Variants in CEP131 observed in about 807,000 individuals in gnomAD.
CEP131 encodes centrosomal protein 131.
CEP131 carries 99 observed loss-of-function variants against 136.8 expected under a neutral mutation model. The ratio of observed to expected loss-of-function variants is 0.72; its 90% CI spans 0.62 to 0.86. CEP131 has a LOEUF of 0.86. Ranked by LOEUF, CEP131 falls within the 40% of genes least tolerant of loss-of-function variation. The pLI, the probability that CEP131 is intolerant of heterozygous loss-of-function variation, is 0.00. For missense variants in CEP131, 1,459 were observed against 1,463.0 expected (o/e 1.00, Z 0.04); for synonymous variants, 646 against 612.7 (o/e 1.05, Z -0.80).
intron 2 of CEP131, among the ~76,000 whole-genome samples, chr17:81,214,764 T>C (rs1345428604): frequency 6.6e-6 from 1 of 151,754 alleles, no homozygotes; most frequent in African/African-American, 2.4e-5. Context: ...AACTTGGCAA[T>C]GCCTATCAAA....
chr17:81,216,181 G>A (rs1252474030), intron 2 of CEP131, among the ~76,000 whole-genome samples: 3 of 152,032 alleles, frequency 2.0e-5, no homozygotes, highest in Admixed American at 6.6e-5. Context: ...CCAACATGGC[G>A]AAACCCCGTC....
intron 17 of CEP131, among the ~76,000 whole-genome samples, chr17:81,194,654 G>A (rs991961211): frequency 6.6e-6 from 1 of 152,262 alleles, no homozygotes; most frequent in Non-Finnish European, 1.5e-5. Flanking sequence ...GATGCTGGGG[G>A]CTGGGCCAGG....
rs1207864480 is a variant in CEP131, at chr17:81,198,242, C to T, written c.1343G>A (p.Arg448Lys). Residue 448 changes from arginine (R) to lysine (K), a missense_variant, in exon 12 of 26, where the codon AGG becomes AAG. By Grantham distance (26) the Arg-to-Lys change is conservative. Around this residue, in one of 3 missense-constraint regions of CEP131, gnomAD observed 1,026 missense variants for 964.2 expected, o/e 1.06. Transcript: ENST00000450824. ...TGGCCCCCTGGACTTGGCGCTCCCC[C>T]TGCTCGGGGCCATCATCTCCAGGTT... ...GDNLEMMAPS[R>K]GSAKSRGPLE... The T allele has an allele frequency of 3.1e-6, 5 of 1,603,402 alleles. No individual in the cohort carries two copies. The highest frequency in any genetic ancestry group is 4.3e-6 in the Non-Finnish European group (5 of 1,175,190).
At chr17:81,202,570 G>A (rs1040270412) in intron 6 of CEP131, among the ~76,000 whole-genome samples, 172 bp from the exon 7 acceptor site, 1 of 152,212 alleles carries the variant, frequency 6.6e-6, no homozygotes, top group Non-Finnish European at 1.5e-5. Flanking sequence ...GCTCTCCCGT[G>A]CCACATCCTG....
intron 10 of CEP131, 70 bp downstream of exon 10, chr17:81,199,311 A>C: frequency 6.8e-7 from 1 of 1,473,844 alleles, no homozygotes; most frequent in Non-Finnish European, 9.0e-7. Flanking sequence ...GAGGAGGTCC[A>C]CAAGGGCTGC....
intron 24 of CEP131, 148 bp from the exon 25 acceptor site, chr17:81,190,123 G>A (rs2061606246): frequency 1.4e-6 from 1 of 711,060 alleles, no homozygotes; most frequent in Non-Finnish European, 2.3e-6. Flanking sequence ...CCAGACAGCT[G>A]TCCAGGCAAC....
intron 2 of CEP131, among the ~76,000 whole-genome samples, chr17:81,213,551 A>G (rs932915002): frequency 2.9e-5 from 4 of 137,908 alleles, no homozygotes; most frequent in Admixed American, 2.1e-4. Flanking sequence ...AGCGTGAGAC[A>G]CTGTCTCAAA....
Position 81,191,225 on chromosome 17 carries a change from G to A in CEP131, c.2733C>T (p.Ala911=), listed in dbSNP as rs1435290087. The A allele has an allele frequency of 1.9e-6, 3 of 1,613,024 alleles. No individual in the cohort carries two copies. Among genetic ancestry groups the A allele is most frequent in the Non-Finnish European group, 2.5e-6 (3 of 1,179,962 alleles). The part of the protein sequence containing the change: ...IHRLEADMAL[A]KEESEKAAES... The stretch of plus-strand genomic sequence containing the variant: ...CGGCAGCCTTCTCACTCTCCTCCTT[G>A]GCCAGCGCCATGTCGGCCTCCAGCC... Residue 911 remains alanine, a synonymous_variant, in exon 22 of 26, where the codon GCC becomes GCT. Transcript: ENST00000450824.
Position 81,195,360 on chromosome 17 carries a change from C to T in CEP131, c.2017-388G>A, listed in dbSNP as rs576784346. ...GATTTTAAAATGCCAGTGCCAAGCCCCACTCCAGAACCTGGGCTCGGGACC... is the reference window on the plus strand; with the variant it reads ...GATTTTAAAATGCCAGTGCCAAGCCTCACTCCAGAACCTGGGCTCGGGACC... On this transcript the variant is annotated intron_variant, in intron 16 of 25. Coordinates refer to ENST00000450824, the MANE Select transcript of CEP131 (RefSeq NM_014984.4). Among the ~76,000 whole-genome samples, 6 of 152,382 alleles carry T rather than the reference C, an allele frequency of 3.9e-5. No individual in the cohort carries two copies. In the East Asian group the frequency reaches 1.2e-3, roughly 29 times the overall value.
In CEP131 at chr17:81,189,670, T is replaced by C; in HGVS notation, c.*99A>G. 1.6e-6 allele frequency: 2 copies of C among 1,276,498 alleles called. No homozygotes were observed. Among genetic ancestry groups the C allele is most frequent in the Non-Finnish European group, 2.1e-6 (2 of 930,544 alleles). The allele number at this position is 1,276,498 out of a possible 1,614,324, so 79.1% of individuals were successfully genotyped here. On this transcript the variant is annotated 3_prime_UTR_variant, in exon 26 of 26. Transcript: ENST00000450824. ...GCCGTGGGCATCTCAACCACCAGCCTCTGTGGGGGGCAGGTGGGCGTCCCT... is the reference window on the plus strand; with the variant it reads ...GCCGTGGGCATCTCAACCACCAGCCCCTGTGGGGGGCAGGTGGGCGTCCCT...
At position 81,207,205 on chromosome 17, in the gene CEP131, C is replaced by T. The variant is rs764310181; in HGVS notation, c.307G>A (p.Glu103Lys). 11 of 1,613,574 alleles carry T rather than the reference C, an allele frequency of 6.8e-6. No individual in the cohort carries two copies. Among genetic ancestry groups the T allele is most frequent in the Admixed American group, 1.7e-5 (1 of 59,940 alleles). ...CTCTTTTTCCCACTGGGGCTGCCCT[C>T]GAAGAGCATCAGGAAGTCTGTGGGC... ...TEPTDFLMLFEGSPSGKKRPA... is the reference protein window; with the variant it reads ...TEPTDFLMLFKGSPSGKKRPA... Residue 103 changes from glutamate to lysine, a missense_variant, in exon 4 of 26, where the codon GAG (glutamate) becomes AAG (lysine). By Grantham distance (56) the Glu-to-Lys change is moderately conservative. This residue lies in a region of CEP131 where 187 missense variants were observed against 179.9 expected (regional missense o/e 1.04). Coordinates refer to ENST00000450824, the MANE Select transcript of CEP131 (RefSeq NM_014984.4).
Position 81,191,246 on chromosome 17 carries a change from C to T in CEP131, c.2712G>A (p.Leu904=). The T allele has an allele frequency of 1.2e-6, 2 of 1,613,446 alleles. No individual in the cohort carries two copies. Among genetic ancestry groups the T allele is most frequent in the Non-Finnish European group, 1.7e-6 (2 of 1,179,976 alleles). ...CCTTGGCCAGCGCCATGTCGGCCTC[C>T]AGCCGGTGAATGACCAGCTCAATCT... ...DKEIELVIHR[L]EADMALAKEE... is the part of the protein sequence containing the mutation. The change falls in exon 22 of 26, where the codon CTG becomes CTA. Residue 904 remains leucine (L), a synonymous_variant. Transcript: ENST00000450824.
Position 81,197,783 on chromosome 17 carries a change from G to C in CEP131, c.1576C>G (p.Leu526Val). The C allele has an allele frequency of 1.2e-6, 2 of 1,613,248 alleles. No homozygotes were observed. The highest frequency in any genetic ancestry group is 1.7e-6 in the Non-Finnish European group (2 of 1,179,942). Residue 526 changes from leucine (L) to valine (V), a missense_variant, in exon 13 of 26, where the codon CTA (leucine) becomes GTA (valine). By Grantham distance (32) the Leu-to-Val change is conservative. Transcript: ENST00000450824. The stretch of plus-strand genomic sequence containing the variant: ...TCCAAGAAGCTCATGATGCTTTGTA[G>C]CTTGGCCTCCGATAGCAGCGTCCCA... ...EDGTLLSEAK[L>V]QSIMSFLDEM...
chr17:81,190,046 G>C, intron 24 of CEP131, 71 bp from the exon 25 acceptor site: 7 of 1,375,352 alleles, frequency 5.1e-6, no homozygotes, highest in Non-Finnish European at 6.9e-6. Flanking sequence ...GCAGTGCACA[G>C]GGTGCACGGG....
chr17:81,193,196 G>A (rs557223930), intron 18 of CEP131, among the ~76,000 whole-genome samples: 25 of 152,336 alleles, frequency 1.6e-4, no homozygotes, highest in African/African-American at 5.8e-4. Flanking sequence ...GGAGGCAGGT[G>A]CCTCGTGGGG....
intron 3 of CEP131, among the ~76,000 whole-genome samples, chr17:81,207,938 TACACC>T (rs2062045680): frequency 1.0e-4 from 1 of 9,744 alleles, no homozygotes; most frequent in South Asian, 4.6e-3. Context: ...CCACACACCA[TACACC>T]ACACACACCC....
chr17:81,222,249 A>T (rs2062404248), intron 1 of CEP131, among the ~76,000 whole-genome samples: 1 of 152,142 alleles, frequency 6.6e-6, no homozygotes, highest in Non-Finnish European at 1.5e-5. Context: ...CAGGACCTGA[A>T]GGGGCGGGGA....
chr17:81,192,150 CA>C (rs2061653976), intron 21 of CEP131, among the ~76,000 whole-genome samples, 167 bp downstream of exon 21: 1 of 152,128 alleles, frequency 6.6e-6, no homozygotes, highest in South Asian at 2.1e-4. Context: ...CTGAAAGCAA[CA>C]CACTCAGCGT....
chr17:81,210,390 TG>T (rs2062105984), intron 2 of CEP131, among the ~76,000 whole-genome samples: 1 of 152,040 alleles, frequency 6.6e-6, no homozygotes, highest in African/African-American at 2.4e-5. Context: ...GCCAACATGG[TG>T]AAACCCCGTC....
Sources: allele counts gnomAD v4.1 joint callset (sites outside exome capture counted in the v4.1 genomes callset), GRCh38; gene constraint gnomAD v4.1.1; regional missense constraint gnomAD v4.1.1; transcripts MANE v1.5; gene names NCBI Gene and HGNC (gene_info 2026-07-23, HGNC 2026-07-21).